Variants in KIAA1217 observed in about 807,000 individuals in gnomAD.
KIAA1217 encodes KIAA1217.
A neutral mutation model predicts 163.9 loss-of-function variants in KIAA1217; 88 were observed. That is an observed-to-expected ratio of 0.54 (90% CI 0.45 to 0.64). The LOEUF (loss-of-function observed/expected upper bound fraction) is 0.64. KIAA1217 is among the 30% of genes least tolerant of loss of function. KIAA1217 has a pLI of 0.00. For synonymous variants in KIAA1217, 903 were observed against 923.1 expected, an observed-to-expected ratio of 0.98 and a Z score of 0.39; for missense variants, 2,372 against 2,475.0, an observed-to-expected ratio of 0.96 and a Z score of 0.88.
chr10:24,337,650 C>CTTTTCTTTTCTTTT (rs1554821347), intron 2 of KIAA1217, among the ~76,000 whole-genome samples: 1 of 40,886 alleles, frequency 2.4e-5, no homozygotes, highest in African/African-American at 1.9e-4. Flanking sequence ...CTTTTCTTTT[C>CTTTTCTTTTCTTTT]TTTTTTTTTT....
chr10:24,420,455 T>C (rs1249960046), intron 3 of KIAA1217, among the ~76,000 whole-genome samples: 1 of 152,224 alleles, frequency 6.6e-6, no homozygotes, highest in African/African-American at 2.4e-5. Flanking sequence ...ATCTTCTCTC[T>C]GTGGTTTGTC....
intron 4 of KIAA1217, 113 bp downstream of exon 4, chr10:24,433,306 TTTTTTG>T: frequency 2.3e-6 from 1 of 434,472 alleles, no homozygotes; most frequent in East Asian, 4.1e-5. Flanking sequence ...TTTAGAGTGT[TTTTTTG>T]TTTTTTGTTT....
chr10:23,883,945 A>G (rs1841062616), intron 1 of KIAA1217, among the ~76,000 whole-genome samples: 2 of 151,982 alleles, frequency 1.3e-5, no homozygotes, highest in African/African-American at 4.8e-5. Flanking sequence ...TCATGACATG[A>G]TAACTCATTT....
rs567322881 is a variant in KIAA1217 at position 24,154,528 on chromosome 10, G to A, written c.-170-65098G>A. Among the ~76,000 whole-genome samples, 28 of 152,290 alleles carry A rather than the reference G, an allele frequency of 1.8e-4. No homozygotes were observed. The South Asian group carries it at 5.6e-3, about 30-fold the overall frequency. ...AATATAAAAGCACTTAGTGCATTGT[G>A]TGATGCTGCATACCTGAAGCACCTG... On this transcript the variant is annotated intron_variant, in intron 2 of 18. Coordinates refer to the KIAA1217 transcript ENST00000376462.
intron 2 of KIAA1217, among the ~76,000 whole-genome samples, chr10:24,373,429 A>T (rs930915277): frequency 3.3e-5 from 5 of 152,126 alleles, no homozygotes; most frequent in African/African-American, 1.2e-4. Flanking sequence ...TTAGGGAGAG[A>T]GTCTTCAGAG....
intron 9 of KIAA1217, among the ~76,000 whole-genome samples, chr10:24,509,755 T>G (rs1161761200): frequency 6.6e-6 from 1 of 152,216 alleles, no homozygotes; most frequent in Non-Finnish European, 1.5e-5. Context: ...TATTATATAC[T>G]ATATTTGTTT....
At chr10:24,097,534 C>A (rs1276544624) in intron 2 of KIAA1217, among the ~76,000 whole-genome samples, 2 of 151,820 alleles carry the variant, frequency 1.3e-5, no homozygotes, top group African/African-American at 4.8e-5. Flanking sequence ...CAGGATGAGA[C>A]CCCATCTCTA....
At chr10:23,908,207 A>G (rs1270162739) in intron 1 of KIAA1217, among the ~76,000 whole-genome samples, 1 of 152,118 alleles carries the variant, frequency 6.6e-6, no homozygotes, top group African/African-American at 2.4e-5. Context: ...AGTGAAGGGA[A>G]GGTGGTCAGG....
chr10:24,232,143 C>T (rs1446748702), intron 2 of KIAA1217, among the ~76,000 whole-genome samples: 1 of 152,226 alleles, frequency 6.6e-6, no homozygotes, highest in African/African-American at 2.4e-5. Context: ...AAGTACATCT[C>T]AGAAGATTTG....
chr10:24,054,656 G>A (rs1013953726), intron 2 of KIAA1217, among the ~76,000 whole-genome samples: 4 of 152,152 alleles, frequency 2.6e-5, no homozygotes, highest in African/African-American at 9.7e-5. Context: ...GATATGTTAT[G>A]AGAAATATGT....
At chr10:23,816,325 C>T (rs568297823) in intron 1 of KIAA1217, among the ~76,000 whole-genome samples, 3 of 152,194 alleles carry the variant, frequency 2.0e-5, no homozygotes, top group African/African-American at 7.2e-5. Flanking sequence ...GCGGAATCTC[C>T]TCTGTTGCCC....
At chr10:24,027,134 T>C (rs4285785) in intron 2 of KIAA1217, among the ~76,000 whole-genome samples, 40,637 of 151,938 alleles carry the variant, frequency 0.27, 5,787 homozygotes, top group East Asian at 0.38. Context: ...TATATCTTCA[T>C]AGTTCTGTGC....
intron 3 of KIAA1217, among the ~76,000 whole-genome samples, chr10:24,401,406 G>T (rs920393384): frequency 3.9e-5 from 6 of 152,088 alleles, no homozygotes; most frequent in African/African-American, 1.4e-4. Context: ...ACCAAGCGAG[G>T]TTTATTCCAG....
At chr10:24,253,210 A>G (rs778773625) in intron 2 of KIAA1217, among the ~76,000 whole-genome samples, 1 of 152,154 alleles carries the variant, frequency 6.6e-6, no homozygotes, top group African/African-American at 2.4e-5. Context: ...TAATCTTAAT[A>G]TAGTGCTGAG....
chr10:23,786,234 T>C (rs2130913178), intron 1 of KIAA1217, among the ~76,000 whole-genome samples: 1 of 152,038 alleles, frequency 6.6e-6, no homozygotes, highest in South Asian at 2.1e-4. Flanking sequence ...AAATAAAACT[T>C]GACTTAGGCG....
intron 1 of KIAA1217, among the ~76,000 whole-genome samples, chr10:23,934,581 A>ATATG (rs1554826372): frequency 1.5e-5 from 1 of 65,862 alleles, no homozygotes; most frequent in Non-Finnish European, 2.5e-5. Context: ...ATATATATAT[A>ATATG]TATATATATG....
At chr10:23,910,856 A>G (rs1220354443) in intron 1 of KIAA1217, among the ~76,000 whole-genome samples, 1 of 152,110 alleles carries the variant, frequency 6.6e-6, no homozygotes, top group Non-Finnish European at 1.5e-5. Flanking sequence ...CTCAAATCAG[A>G]TGGATCCACT....
At chr10:23,792,402 G>A (rs572495771) in intron 1 of KIAA1217, among the ~76,000 whole-genome samples, 11 of 152,094 alleles carry the variant, frequency 7.2e-5, no homozygotes, top group East Asian at 1.9e-4. Context: ...TAAACTTTCC[G>A]CATATTAGTC....
intron 2 of KIAA1217, among the ~76,000 whole-genome samples, chr10:24,146,264 T>A (rs1341874261): frequency 6.6e-6 from 1 of 152,186 alleles, no homozygotes; most frequent in East Asian, 1.9e-4. Flanking sequence ...AAGCATTTGG[T>A]CACCTGAAGA....
Sources: allele counts gnomAD v4.1 joint callset (sites outside exome capture counted in the v4.1 genomes callset), GRCh38; gene constraint gnomAD v4.1.1; transcripts MANE v1.5; gene names NCBI Gene and HGNC (gene_info 2026-07-23, HGNC 2026-07-21).